The following EPM2A variants were observed in gnomAD, a reference collection of about 807,000 sequenced individuals.
EPM2A encodes EPM2A glucan phosphatase, laforin, also known as laforin.
EPM2A carries 21 observed loss-of-function variants against 26.5 expected under a neutral mutation model. The ratio of observed to expected loss-of-function variants is 0.79; its 90% CI spans 0.56 to 1.14. EPM2A has a LOEUF of 1.14. Among genes scored for constraint, EPM2A ranks in the 50% most tolerant of loss-of-function variants. The probability of loss-of-function intolerance (pLI) is 0.00; values close to 1 mark genes in which losing one functional copy is unlikely to be tolerated. For missense variants in EPM2A, 458 were observed against 440.8 expected, an observed-to-expected ratio of 1.04 and a Z score of -0.35; for synonymous variants, 217 against 177.6, an observed-to-expected ratio of 1.22 and a Z score of -1.76.
chr6:145,712,562 T>C (rs1775395303), intron 1 of EPM2A, among the ~76,000 whole-genome samples: 1 of 152,202 alleles, frequency 6.6e-6, no homozygotes, highest in Non-Finnish European at 1.5e-5. Flanking sequence ...AAACCACAAG[T>C]TGATGGTCAA....
intron 4 of EPM2A, among the ~76,000 whole-genome samples, chr6:145,480,946 C>G (rs1286513817): frequency 6.6e-6 from 1 of 151,976 alleles, no homozygotes; most frequent in African/African-American, 2.4e-5. Context: ...TGTGGAAAAC[C>G]TATGAGTCTA....
At chr6:145,393,725 G>C (rs114035251) in intron 4 of EPM2A, among the ~76,000 whole-genome samples, 282 of 152,132 alleles carry the variant, frequency 1.9e-3, no homozygotes, top group African/African-American at 6.2e-3. Flanking sequence ...ACCAGTGACT[G>C]TTCCTTAGAA....
intron 2 of EPM2A, among the ~76,000 whole-genome samples, chr6:145,551,165 G>C (rs776009508): frequency 2.0e-5 from 3 of 152,024 alleles, no homozygotes; most frequent in Non-Finnish European, 4.4e-5. Context: ...TATATACCTT[G>C]AATGGCTTTT....
chr6:145,731,966 A>G (rs1306482734), intron 1 of EPM2A, among the ~76,000 whole-genome samples: 1 of 152,164 alleles, frequency 6.6e-6, no homozygotes, highest in African/African-American at 2.4e-5. Flanking sequence ...CAAAGGAAAA[A>G]TTATTTTAAG....
At chr6:145,696,970 G>T (rs932581379) in intron 1 of EPM2A, among the ~76,000 whole-genome samples, 1 of 152,068 alleles carries the variant, frequency 6.6e-6, no homozygotes, top group African/African-American at 2.4e-5. Flanking sequence ...GTCAAAAAAT[G>T]AGCCACACAG....
chr6:145,451,976 CTCT>C (rs1451325747), intron 4 of EPM2A, among the ~76,000 whole-genome samples: 1 of 152,052 alleles, frequency 6.6e-6, no homozygotes, highest in Non-Finnish European at 1.5e-5. Context: ...CTTTCAACTC[CTCT>C]TCATCATTGT....
intron 2 of EPM2A, among the ~76,000 whole-genome samples, chr6:145,661,454 G>T (rs1227883004): frequency 6.6e-6 from 1 of 152,164 alleles, no homozygotes; most frequent in Non-Finnish European, 1.5e-5. Flanking sequence ...TTGTTTAAAT[G>T]CAAGGGAATC....
At chr6:145,393,249 G>T (rs1434802102) in intron 4 of EPM2A, among the ~76,000 whole-genome samples, 6 of 151,980 alleles carry the variant, frequency 3.9e-5, no homozygotes, top group Non-Finnish European at 8.8e-5. Flanking sequence ...TCATTACCAG[G>T]AATAAACTGC....
At chr6:145,491,685 G>T in intron 4 of EPM2A, 1 of 435,476 alleles carries the variant, frequency 2.3e-6, no homozygotes. Flanking sequence ...TTGAGTGTGG[G>T]ACCCTTGCCG....
intron 4 of EPM2A, among the ~76,000 whole-genome samples, chr6:145,400,026 A>C (rs943135810): frequency 1.3e-5 from 2 of 152,182 alleles, no homozygotes; most frequent in African/African-American, 4.8e-5. Flanking sequence ...GCTGCTTAAA[A>C]GGTTTTAAGG....
chr6:145,623,619 G>A, downstream of EPM2A, among the ~76,000 whole-genome samples: 1 of 152,216 alleles, frequency 6.6e-6, no homozygotes, highest in East Asian at 1.9e-4. Flanking sequence ...TGAGTGACGT[G>A]AGAGTCATTG....
chr6:145,502,037 A>C (rs1779897352), intron 3 of EPM2A, among the ~76,000 whole-genome samples: 1 of 152,244 alleles, frequency 6.6e-6, no homozygotes, highest in African/African-American at 2.4e-5. Flanking sequence ...CTTAAACAAA[A>C]GAGTGAAAAG....
rs190315019 is a variant in EPM2A, at chr6:145,532,764, A to G, written c.341-30189T>C. On this transcript the variant is annotated intron_variant, in intron 2 of 3. Transcript: ENST00000450221. Reference sequence around the variant, plus strand: ...GTACTCCACCTCCCTGTATTCTTCAACCCATTCCCATCTGTCTGATGTCCC... The same window carrying G: ...GTACTCCACCTCCCTGTATTCTTCAGCCCATTCCCATCTGTCTGATGTCCC... 5.9e-5 allele frequency among the ~76,000 whole-genome samples: 9 copies of G among 152,076 alleles called. No individual in the cohort carries two copies. The East Asian group carries it at 1.7e-3, about 29-fold the overall frequency.
intron 4 of EPM2A, among the ~76,000 whole-genome samples, chr6:145,481,956 T>C (rs1779615533): frequency 6.6e-6 from 1 of 152,078 alleles, no homozygotes; most frequent in Non-Finnish European, 1.5e-5. Context: ...ACTAAGTCAA[T>C]CATACAAATG....
chr6:145,409,168 A>C (rs560714623), intron 4 of EPM2A, among the ~76,000 whole-genome samples: 1 of 152,328 alleles, frequency 6.6e-6, no homozygotes, highest in East Asian at 1.9e-4. Flanking sequence ...TTGATAGGAA[A>C]ATAAATTGAT....
intron 4 of EPM2A, among the ~76,000 whole-genome samples, chr6:145,447,102 T>G (rs1256485361): frequency 6.6e-6 from 1 of 152,098 alleles, no homozygotes; most frequent in Admixed American, 6.5e-5. Context: ...AAGAACTTAG[T>G]TTTGTTTACT....
At chr6:145,718,765 A>G (rs1367506718) in intron 1 of EPM2A, among the ~76,000 whole-genome samples, 1 of 152,206 alleles carries the variant, frequency 6.6e-6, no homozygotes, top group Non-Finnish European at 1.5e-5. Context: ...AACTCAAACA[A>G]ATTTACACAC....
intron 2 of EPM2A, among the ~76,000 whole-genome samples, chr6:145,550,774 G>C (rs1289836729): frequency 2.0e-5 from 3 of 151,800 alleles, no homozygotes. Flanking sequence ...CTTTCATATG[G>C]TTTTCTTAAT....
At chr6:145,552,396 T>A (rs1196113335) in intron 2 of EPM2A, among the ~76,000 whole-genome samples, 1 of 152,068 alleles carries the variant, frequency 6.6e-6, no homozygotes, top group African/African-American at 2.4e-5. Flanking sequence ...GAGTGATTTC[T>A]GACTTAACAT....
Sources: allele counts gnomAD v4.1 joint callset (sites outside exome capture counted in the v4.1 genomes callset), GRCh38; gene constraint gnomAD v4.1.1; transcripts MANE v1.5; gene names NCBI Gene and HGNC (gene_info 2026-07-23, HGNC 2026-07-21).